The following RAPGEF4 variants were observed in gnomAD, a reference collection of about 807,000 sequenced individuals.
RAPGEF4 encodes the protein Rap guanine nucleotide exchange factor 4, also known as RAP guanine-nucleotide-exchange factor (GEF) 4.
A neutral mutation model predicts 147.9 loss-of-function variants in RAPGEF4; 66 were observed. The ratio of observed to expected loss-of-function variants is 0.45; its 90% CI spans 0.37 to 0.55. The LOEUF (loss-of-function observed/expected upper bound fraction) is 0.55. Among genes scored for constraint, RAPGEF4 ranks in the 20% least tolerant of loss-of-function variants. The pLI, the probability that RAPGEF4 is intolerant of heterozygous loss-of-function variation, is 0.00. For synonymous variants in RAPGEF4, 419 were observed against 442.7 expected (o/e 0.95, Z 0.67); for missense variants, 1,071 against 1,257.3 (o/e 0.85, Z 2.24).
At chr2:172,902,295 C>CTTTATTTATTTATTTATTTATTTA (rs10678095) in intron 4 of RAPGEF4, among the ~76,000 whole-genome samples, 1 of 148,328 alleles carries the variant, frequency 6.7e-6, no homozygotes, top group East Asian at 2.0e-4. Flanking sequence ...CCTGGATCTT[C>CTTTATTTATTTATTTATTTATTTA]TTTATTTATT....
intron 4 of RAPGEF4, among the ~76,000 whole-genome samples, chr2:172,906,326 A>G (rs888722156): frequency 6.6e-6 from 1 of 152,152 alleles, no homozygotes. Context: ...ACATCCCCAG[A>G]ACAGTCCTGT....
At chr2:172,913,908 C>T (rs1280930106) in intron 4 of RAPGEF4, among the ~76,000 whole-genome samples, 2 of 152,192 alleles carry the variant, frequency 1.3e-5, no homozygotes, top group East Asian at 1.9e-4. Context: ...AGAGACAATC[C>T]TGGTTACTAC....
At chr2:172,839,264 C>T (rs2676524) in intron 4 of RAPGEF4, among the ~76,000 whole-genome samples, 73,365 of 151,552 alleles carry the variant, frequency 0.48, 18,094 homozygotes, top group East Asian at 0.54. Flanking sequence ...GAATTCAGGG[C>T]GAGTCTGCAG....
At chr2:172,793,043 A>T (rs10188641) in intron 1 of RAPGEF4, among the ~76,000 whole-genome samples, 51,851 of 152,052 alleles carry the variant, frequency 0.34, 9,325 homozygotes, top group Middle Eastern at 0.46. Flanking sequence ...GAGGCACATG[A>T]CTTCTCTGAA....
intron 4 of RAPGEF4, among the ~76,000 whole-genome samples, chr2:172,851,798 G>C (rs1364322363): frequency 1.3e-5 from 2 of 152,106 alleles, no homozygotes; most frequent in African/African-American, 4.8e-5. Context: ...CCTACTTAAA[G>C]GTGGAGGGTA....
rs142324450 is a variant in RAPGEF4, at chr2:173,042,390, T to C, written c.2853+5698T>C. Among the ~76,000 whole-genome samples, 714 of 152,292 alleles carry C rather than the reference T, an allele frequency of 4.7e-3. 4 individuals are homozygous for C. Among genetic ancestry groups the C allele is most frequent in the African/African-American group, 0.016 (658 of 41,566 alleles). On this transcript the variant is annotated intron_variant, in intron 29 of 30. Coordinates refer to ENST00000397081, the MANE Select transcript of RAPGEF4 (RefSeq NM_007023.4). The surrounding 1 kb of genome is among the most constrained non-coding windows in gnomAD (Gnocchi z 4.2). ...GGCTCACGCCTGTAATCCCAGCACT[T>C]TGGGAGACTGAGGCGGGTGGATCAT...
At chr2:172,848,563 G>A (rs1024971067) in intron 4 of RAPGEF4, among the ~76,000 whole-genome samples, 9 of 152,158 alleles carry the variant, frequency 5.9e-5, no homozygotes, top group African/African-American at 1.2e-4. Flanking sequence ...TGGAGTCAGG[G>A]CAAATGCTAA....
intron 4 of RAPGEF4, among the ~76,000 whole-genome samples, chr2:172,831,265 A>ATTTTTTTTTTTTTTTTTTTTTT (rs1491195850): frequency 4.2e-4 from 7 of 16,612 alleles, no homozygotes; most frequent in Admixed American, 8.1e-4. Context: ...CAGATAGAAA[A>ATTTTTTTTTTTTTTTTTTTTTT]CTTTTTTTTT....
At chr2:172,799,277 A>G (rs1686725156) in intron 3 of RAPGEF4, among the ~76,000 whole-genome samples, 1 of 152,184 alleles carries the variant, frequency 6.6e-6, no homozygotes, top group South Asian at 2.1e-4. Flanking sequence ...CAGATGAGAA[A>G]ACGAAGTCCC....
intron 4 of RAPGEF4, among the ~76,000 whole-genome samples, chr2:172,877,677 G>A (rs185667928): frequency 1.3e-3 from 191 of 152,110 alleles, no homozygotes; most frequent in African/African-American, 4.5e-3. Flanking sequence ...GCCCTAGACC[G>A]GCCTCTCAGA....
Position 173,035,997 on chromosome 2 carries a change from A to G in RAPGEF4, c.2701-128A>G, listed in dbSNP as rs939912830. 1.1e-4 allele frequency: 76 copies of G among 711,284 alleles called. 1 individual carries two copies. The Admixed American group carries it at 1.6e-3, about 15-fold the overall frequency. 44.1% of individuals were successfully genotyped at this position (711,284 alleles called of 1,614,324 possible). On this transcript the variant is annotated intron_variant, in intron 27 of 30. Coordinates refer to ENST00000397081, the MANE Select transcript of RAPGEF4 (RefSeq NM_007023.4). ...AAGCCATGTATAAGTGACCCACACAATTCAAACCTGTGTTGTTCAAAGGTC... is the reference window on the plus strand; with the variant it reads ...AAGCCATGTATAAGTGACCCACACAGTTCAAACCTGTGTTGTTCAAAGGTC...
At position 172,857,481 on chromosome 2, in the gene RAPGEF4, A is replaced by G. The variant is rs546893593; in HGVS notation, c.444+43056A>G. Among the ~76,000 whole-genome samples, 10 of 152,360 alleles carry G rather than the reference A, an allele frequency of 6.6e-5. No individual in the cohort carries two copies. In the South Asian group the frequency reaches 1.7e-3, roughly 25 times the overall value. On this transcript the variant is annotated intron_variant, in intron 4 of 30. Coordinates refer to ENST00000397081, the MANE Select transcript of RAPGEF4 (RefSeq NM_007023.4). ...CATTATTTGAGACGCGAGTTTATAT[A>G]CAAGTTGCATTCAAGGATCATGAGC... is the stretch of plus-strand genomic sequence containing the variant.
At chr2:172,795,253 G>A (rs1686251781) in intron 2 of RAPGEF4, 86 bp downstream of exon 2, 4 of 1,323,258 alleles carry the variant, frequency 3.0e-6, no homozygotes, top group South Asian at 2.6e-5. Context: ...AGCAAATGGA[G>A]TATTTATGTG....
chr2:172,766,232 A>G (rs990742774), intron 1 of RAPGEF4, among the ~76,000 whole-genome samples: 6 of 152,118 alleles, frequency 3.9e-5, no homozygotes, highest in Non-Finnish European at 5.9e-5. Context: ...ACACATATCT[A>G]GATTATAAAA....
At chr2:172,976,415 G>C (rs533850920) in intron 10 of RAPGEF4, among the ~76,000 whole-genome samples, 1 of 152,180 alleles carries the variant, frequency 6.6e-6, no homozygotes, top group Non-Finnish European at 1.5e-5. Flanking sequence ...TGGAAGAAGC[G>C]AGATCTTAAG....
chr2:173,047,793 C>A (rs1380843201), intron 29 of RAPGEF4, among the ~76,000 whole-genome samples: 1 of 152,140 alleles, frequency 6.6e-6, no homozygotes, highest in East Asian at 1.9e-4. Context: ...TCTCCTGCCT[C>A]AGCCTCCCAA....
chr2:172,831,285 T>TTTTTTTTTTTTTTTTTA (rs1690303455), intron 4 of RAPGEF4, among the ~76,000 whole-genome samples: 2 of 142,218 alleles, frequency 1.4e-5, no homozygotes, highest in Non-Finnish European at 3.1e-5. Context: ...TTTTTTTTTT[T>TTTTTTTTTTTTTTTTTA]GAGACAGAGT....
chr2:172,995,592 T>C (rs1305358478), intron 15 of RAPGEF4, among the ~76,000 whole-genome samples: 2 of 152,226 alleles, frequency 1.3e-5, no homozygotes, highest in East Asian at 1.9e-4. Flanking sequence ...TACTTGCCTG[T>C]TATTTTTAAG....
chr2:172,938,463 C>A (rs543633338), intron 6 of RAPGEF4, among the ~76,000 whole-genome samples: 6 of 152,128 alleles, frequency 3.9e-5, no homozygotes, highest in African/African-American at 1.4e-4. Context: ...TTTGCCTGGG[C>A]CCCCATGGGA....
Sources: allele counts gnomAD v4.1 joint callset (sites outside exome capture counted in the v4.1 genomes callset), GRCh38; gene constraint gnomAD v4.1.1; non-coding constraint Gnocchi (gnomAD v3.1); transcripts MANE v1.5; gene names NCBI Gene and HGNC (gene_info 2026-07-23, HGNC 2026-07-21).